The following DLST variants were observed in gnomAD, a reference collection of about 807,000 sequenced individuals.
DLST encodes the protein dihydrolipoamide S-succinyltransferase.
A neutral mutation model predicts 53.1 loss-of-function variants in DLST; 17 were observed. The ratio of observed to expected loss-of-function variants is 0.32; its 90% CI spans 0.22 to 0.48. The LOEUF (loss-of-function observed/expected upper bound fraction) is 0.48, where lower values mean the gene tolerates loss of function less well. Among genes scored for constraint, DLST ranks in the 20% least tolerant of loss-of-function variants. The pLI is 0.99. For missense variants in DLST, 512 were observed against 583.9 expected, an observed-to-expected ratio of 0.88 and a Z score of 1.27; for synonymous variants, 206 against 204.8, an observed-to-expected ratio of 1.01 and a Z score of -0.05.
chr14:74,882,147 C>T (rs1883540308), intron 1 of DLST, 131 bp downstream of exon 1: 3 of 786,020 alleles, frequency 3.8e-6, no homozygotes, highest in Non-Finnish European at 5.2e-6. Context: ...GGAGGCCGCG[C>T]GGGCTGGGCG....
rs1161935771 is a variant in DLST, at chr14:74,900,393, C to T, written c.1059+21C>T. On this transcript the variant is annotated intron_variant, in intron 13 of 14. Coordinates refer to ENST00000334220, the MANE Select transcript of DLST (RefSeq NM_001933.5). ...AGAAGGTAAAGTAGAAAGATGTATACAAGCTGCTAAGCAGGCGAGGGAAGA... is the reference window on the plus strand; with the variant it reads ...AGAAGGTAAAGTAGAAAGATGTATATAAGCTGCTAAGCAGGCGAGGGAAGA... 1.1e-5 allele frequency: 17 copies of T among 1,606,922 alleles called. No individual in the cohort carries two copies. In the Admixed American group the frequency reaches 2.7e-4, roughly 25 times the overall value.
chr14:74,900,085 A>G (rs1488189876), intron 12 of DLST, 89 bp downstream of exon 12: 9 of 1,251,174 alleles, frequency 7.2e-6, no homozygotes, highest in Non-Finnish European at 8.0e-6. Flanking sequence ...TCATTTCTTT[A>G]ATTCTGTATT....
chr14:74,890,715 CTGT>C lies in DLST; in HGVS notation c.331-327_331-325del, dbSNP rs959370785. 1.7e-4 allele frequency among the ~76,000 whole-genome samples: 26 copies of C among 152,112 alleles called. No homozygotes were observed. The East Asian group carries it at 1.7e-3, about 10-fold the overall frequency. On this transcript the variant is annotated intron_variant, in intron 6 of 14. Transcript: ENST00000334220. ...ACTCTTGTTACTCACTGGAGATACGCTGTTGTTGTTGTTGTTTTGAGACGTTTC... is the reference window on the plus strand; with the variant it reads ...ACTCTTGTTACTCACTGGAGATACGCTGTTGTTGTTGTTTTGAGACGTTTC...
rs879101345 is a variant in DLST, at chr14:74,903,459, G to C, written c.*1129G>C. ...TCTAAGGTGTGTTGCCCGTGGATCT[G>C]GGCACAATCATTGGAATTCCTTGGA... On this transcript the variant is annotated 3_prime_UTR_variant, in exon 15 of 15. Transcript: ENST00000334220. 12 of 152,228 alleles carry C rather than the reference G, an allele frequency of 7.9e-5. 1 individual carries two copies. In the East Asian group the frequency reaches 2.3e-3, roughly 29 times the overall value. 9.4% of individuals were successfully genotyped at this position (152,228 alleles called of 1,614,324 possible). A position where few individuals can be genotyped will look rare whatever the true frequency, so the allele number is the denominator to read the frequency against.
In DLST at chr14:74,900,386, A is replaced by G. The variant is rs373779680; in HGVS notation, c.1059+14A>G. ...CTGGGAGAGAAGGTAAAGTAGAAAGATGTATACAAGCTGCTAAGCAGGCGA... is the reference window on the plus strand; with the variant it reads ...CTGGGAGAGAAGGTAAAGTAGAAAGGTGTATACAAGCTGCTAAGCAGGCGA... On this transcript the variant is annotated intron_variant, in intron 13 of 14. Transcript: ENST00000334220. The G allele has an allele frequency of 3.7e-5, 59 of 1,611,058 alleles. No homozygotes were observed. The African/African-American group carries it at 6.1e-4, about 17-fold the overall frequency.
rs1299666850 is a variant in DLST at position 74,903,644 on chromosome 14, C to T, written c.*1314C>T. 2 of 152,048 alleles carry T rather than the reference C, an allele frequency of 1.3e-5. No homozygotes were observed. The highest frequency in any genetic ancestry group is 4.8e-5 in the African/African-American group (2 of 41,382). 9.4% of individuals were successfully genotyped at this position (152,048 alleles called of 1,614,324 possible). ...AGGGGTGGGAGCCAATACTGAGTGC[C>T]TGCAGCATCTACTACTCTGTCTTCA... On this transcript the variant is annotated 3_prime_UTR_variant, in exon 15 of 15. Coordinates refer to ENST00000334220, the MANE Select transcript of DLST (RefSeq NM_001933.5).
intron 6 of DLST, 124 bp from the exon 7 acceptor site, chr14:74,890,932 C>T: frequency 2.3e-6 from 3 of 1,299,892 alleles, no homozygotes; most frequent in South Asian, 1.7e-5. Context: ...CCTGCCTTGG[C>T]ATCCCAATAT....
chr14:74,884,918 G>A (rs990591534), intron 2 of DLST, among the ~76,000 whole-genome samples: 1 of 152,164 alleles, frequency 6.6e-6, no homozygotes, highest in African/African-American at 2.4e-5. Flanking sequence ...TTGGGGAAAT[G>A]CAGTTAACTA....
chr14:74,882,034 C>T lies in DLST; in HGVS notation c.63+18C>T. The T allele has an allele frequency of 2.6e-6, 4 of 1,539,268 alleles. No individual in the cohort carries two copies. Among genetic ancestry groups the T allele is most frequent in the East Asian group, 2.6e-5 (1 of 38,634 alleles). ...TCCAGAAGGTACGGTCTGGCCGAGC[C>T]GGGGCCCCGACGGGTGAGGAGTCTG... On this transcript the variant is annotated intron_variant, in intron 1 of 14. Coordinates refer to ENST00000334220, the MANE Select transcript of DLST (RefSeq NM_001933.5).
intron 7 of DLST, chr14:74,891,581 C>T (rs1049606226): frequency 8.1e-6 from 8 of 990,674 alleles, no homozygotes; most frequent in African/African-American, 1.7e-5. Flanking sequence ...ATGGGGAATT[C>T]AGTGTTGTTT....
In DLST at chr14:74,892,967, G is replaced by A. The variant is rs2230237; in HGVS notation, c.576G>A (p.Gln192=). ...TQMPPVPSPS[Q]PPSGKPVSAV... is the part of the protein sequence containing the mutation. ...TGCCACCGGTGCCCTCGCCCTCACA[G>A]CCTCCTTCTGGCAAACCTGGTAGGC... Residue 192 remains glutamine, a synonymous_variant, in exon 8 of 15, where the codon CAG becomes CAA. Coordinates refer to ENST00000334220, the MANE Select transcript of DLST (RefSeq NM_001933.5). 907,370 of 1,612,288 alleles carry A rather than the reference G, an allele frequency of 0.56. 262,674 individuals are homozygous for A. Among genetic ancestry groups the A allele is most frequent in the African/African-American group, 0.92 (68,655 of 74,894 alleles).
chr14:74,903,360 C>T lies in DLST; in HGVS notation c.*1030C>T, dbSNP rs1884338696. The T allele has an allele frequency of 6.6e-6, 1 of 152,434 alleles. No individual in the cohort carries two copies. The allele number at this position is 152,434 out of a possible 1,614,324, so 9.4% of individuals were successfully genotyped here. On this transcript the variant is annotated 3_prime_UTR_variant, in exon 15 of 15. Coordinates refer to ENST00000334220, the MANE Select transcript of DLST (RefSeq NM_001933.5). ...GTCTCTTCCTCTGCAGGACACAGAT[C>T]TGGAGGACGTGGACTGGGGTAGGAA...
intron 6 of DLST, 111 bp downstream of exon 6, chr14:74,890,063 C>T: frequency 5.9e-6 from 4 of 683,084 alleles, no homozygotes; most frequent in Non-Finnish European, 9.1e-6. Flanking sequence ...CTAGCTCTAA[C>T]TTCAGTTGTA....
rs1168708450 is a variant in DLST, at chr14:74,892,984, C to T, written c.593C>T (p.Pro198Leu). Residue 198 changes from proline (P) to leucine (L), a missense_variant and splice_region_variant, in exon 8 of 15, where the codon CCT (proline) becomes CTT (leucine). Transcript: ENST00000334220. ...PSPSQPPSGK[P>L]VSAVKPTVAP... Reference sequence around the variant, plus strand: ...CCCTCACAGCCTCCTTCTGGCAAACCTGGTAGGCTTCCAACTCCCACATGT... The same window carrying T: ...CCCTCACAGCCTCCTTCTGGCAAACTTGGTAGGCTTCCAACTCCCACATGT... 2 of 1,609,074 alleles carry T rather than the reference C, an allele frequency of 1.2e-6. No homozygotes were observed. Among genetic ancestry groups the T allele is most frequent in the South Asian group, 1.1e-5 (1 of 90,302 alleles).
Position 74,903,559 on chromosome 14 carries a change from A to G in DLST, c.*1229A>G, listed in dbSNP as rs954317026. The G allele has an allele frequency of 7.8e-6, 1 of 128,414 alleles. No homozygotes were observed. The highest frequency in any genetic ancestry group is 2.6e-4 in the East Asian group (1 of 3,832). The allele number at this position is 128,414 out of a possible 1,614,324, so 8.0% of individuals were successfully genotyped here. A position where few individuals can be genotyped will look rare whatever the true frequency, so the allele number is the denominator to read the frequency against. ...GCTGACGTTTGACACCAGGGCCAGT[A>G]GAGAGTGCCCTTTTGTATCTTAAGC... On this transcript the variant is annotated 3_prime_UTR_variant, in exon 15 of 15. Coordinates refer to ENST00000334220, the MANE Select transcript of DLST (RefSeq NM_001933.5).
chr14:74,891,947 C>A, intron 7 of DLST: 1 of 717,060 alleles, frequency 1.4e-6, no homozygotes, highest in Non-Finnish European at 1.7e-6. Flanking sequence ...TTAGCACTAA[C>A]CCTGGATATA....
intron 3 of DLST, among the ~76,000 whole-genome samples, chr14:74,888,429 A>C (rs1000495709): frequency 6.6e-6 from 1 of 152,004 alleles, no homozygotes; most frequent in African/African-American, 2.4e-5. Context: ...CCGTAAATCT[A>C]TCTCGGATTT....
chr14:74,896,083 G>A (rs1884070531), intron 10 of DLST, among the ~76,000 whole-genome samples: 1 of 152,126 alleles, frequency 6.6e-6, no homozygotes, highest in South Asian at 2.1e-4. Flanking sequence ...TCTCCTGAAC[G>A]TCTAGGGTCA....
intron 7 of DLST, chr14:74,891,996 T>G (rs1450128111): frequency 2.6e-6 from 1 of 383,378 alleles, no homozygotes; most frequent in Non-Finnish European, 3.6e-6. Context: ...AACATTTCAT[T>G]TAAAGTTGTG....
Sources: gnomAD v4.1 joint callset for allele counts (sites outside exome capture counted in the v4.1 genomes callset) on GRCh38, gnomAD v4.1.1 for gene constraint, MANE v1.5 for transcripts, NCBI Gene and HGNC (gene_info 2026-07-23, HGNC 2026-07-21) for gene names.